PGCKA1: variants seen among roughly 807,000 people sequenced by gnomAD.
The protein encoded by PGCKA1 is PDCD10 and GCKIII kinases associated 1.
At chr4:37,583,171 C>G in the PGCKA1 span, among the ~76,000 whole-genome samples, 1 of 152,192 alleles carries the variant, frequency 6.6e-6, no homozygotes, top group Non-Finnish European at 1.5e-5. Context: ...CAAGTGGATT[C>G]CTGTGTCCTT....
At chr4:37,531,845 T>G in the PGCKA1 span, among the ~76,000 whole-genome samples, 1 of 127,928 alleles carries the variant, frequency 7.8e-6, no homozygotes, top group Non-Finnish European at 1.5e-5. Flanking sequence ...TGAGCCAAGA[T>G]AGCGCCACTG....
At chr4:37,461,480 C>T in the PGCKA1 span, among the ~76,000 whole-genome samples, 2 of 151,874 alleles carry the variant, frequency 1.3e-5, no homozygotes, top group African/African-American at 4.9e-5. Flanking sequence ...TGTTTGTGTC[C>T]TCTCTTATTT....
At chr4:37,482,406 C>T in the PGCKA1 span, among the ~76,000 whole-genome samples, 1 of 152,180 alleles carries the variant, frequency 6.6e-6, no homozygotes, top group Non-Finnish European at 1.5e-5. Context: ...GTCACTCTTG[C>T]TATGCAAAGA....
chr4:37,548,355 A>G, the PGCKA1 span, among the ~76,000 whole-genome samples: 2 of 152,184 alleles, frequency 1.3e-5, no homozygotes, highest in Non-Finnish European at 2.9e-5. Flanking sequence ...GGTTAAAAAA[A>G]AGTTATTGTT....
At chr4:37,454,690 T>C in the PGCKA1 span, among the ~76,000 whole-genome samples, 5 of 152,210 alleles carry the variant, frequency 3.3e-5, no homozygotes, top group South Asian at 1.0e-3. Context: ...GGCAAGCATC[T>C]CCCAGCTTGG....
At chr4:37,541,420 T>A in the PGCKA1 span, among the ~76,000 whole-genome samples, 1 of 152,162 alleles carries the variant, frequency 6.6e-6, no homozygotes, top group South Asian at 2.1e-4. Flanking sequence ...CTATTAGAGG[T>A]ACTTAAGTCT....
At chr4:37,501,733 C>G in the PGCKA1 span, among the ~76,000 whole-genome samples, 17 of 152,222 alleles carry the variant, frequency 1.1e-4, no homozygotes, top group Non-Finnish European at 2.2e-4. Flanking sequence ...TCATTCCTAT[C>G]CATATCCTGA....
chr4:37,518,253 A>G, the PGCKA1 span, among the ~76,000 whole-genome samples: 1 of 152,168 alleles, frequency 6.6e-6, no homozygotes, highest in Admixed American at 6.5e-5. Flanking sequence ...ATATCTCTTT[A>G]TATACTGATT....
At chr4:37,575,981 C>CTT in the PGCKA1 span, among the ~76,000 whole-genome samples, 1 of 152,112 alleles carries the variant, frequency 6.6e-6, no homozygotes, top group East Asian at 1.9e-4. Flanking sequence ...CAAAACCATG[C>CTT]TGTACCGATT....
the PGCKA1 span, among the ~76,000 whole-genome samples, chr4:37,530,967 A>G: frequency 5.9e-5 from 9 of 152,220 alleles, no homozygotes; most frequent in African/African-American, 1.9e-4. Flanking sequence ...CCTGGGCGAC[A>G]GAACGAGACT....
At chr4:37,543,478 A>G in the PGCKA1 span, among the ~76,000 whole-genome samples, 1 of 152,110 alleles carries the variant, frequency 6.6e-6, no homozygotes, top group Non-Finnish European at 1.5e-5. Flanking sequence ...TCAACCTCAA[A>G]TTATTTCCAT....
At chr4:37,590,233 G>A in the PGCKA1 span, 2 of 1,614,212 alleles carry the variant, frequency 1.2e-6, no homozygotes, top group Non-Finnish European at 1.7e-6. Context: ...TCAGAGGCAG[G>A]GCTCAAAGAA....
At chr4:37,493,979 TG>T in the PGCKA1 span, among the ~76,000 whole-genome samples, 1 of 152,334 alleles carries the variant, frequency 6.6e-6, no homozygotes, top group East Asian at 1.9e-4. Context: ...CATCTGTTGA[TG>T]GAAACTTAGG....
chr4:37,571,568 C>T, the PGCKA1 span, among the ~76,000 whole-genome samples: 50 of 151,786 alleles, frequency 3.3e-4, no homozygotes, highest in Admixed American at 6.6e-4. Context: ...GACAGAGTCT[C>T]GCTCTGTCGC....
chr4:37,458,176 A>G, the PGCKA1 span, among the ~76,000 whole-genome samples: 6 of 152,176 alleles, frequency 3.9e-5, no homozygotes, highest in Non-Finnish European at 7.3e-5. Flanking sequence ...CCAAAGTCAT[A>G]CAGCTGCCCA....
chr4:37,576,229 T>C, the PGCKA1 span, among the ~76,000 whole-genome samples: 4 of 152,160 alleles, frequency 2.6e-5, no homozygotes, highest in Non-Finnish European at 5.9e-5. Flanking sequence ...ATGAAATATC[T>C]TTCTAATTTT....
At chr4:37,487,027 A>G in the PGCKA1 span, among the ~76,000 whole-genome samples, 1 of 152,166 alleles carries the variant, frequency 6.6e-6, no homozygotes. Context: ...TGATCCAGAA[A>G]TGGTGATGTC....
the PGCKA1 span, chr4:37,591,629 T>A: frequency 6.6e-6 from 1 of 152,332 alleles, no homozygotes; most frequent in East Asian, 1.9e-4. Flanking sequence ...AGATGTTGAT[T>A]TTAAAACACC....
chr4:37,497,336 T>C, the PGCKA1 span, among the ~76,000 whole-genome samples: 13 of 152,230 alleles, frequency 8.5e-5, no homozygotes, highest in African/African-American at 3.1e-4. Flanking sequence ...ACTCGTTGAT[T>C]GATGGGCATT....
Sources: gnomAD v4.1 joint callset for allele counts (sites outside exome capture counted in the v4.1 genomes callset) on GRCh38, gnomAD v4.1.1 for gene constraint, MANE v1.5 for transcripts, NCBI Gene and HGNC (gene_info 2026-07-23, HGNC 2026-07-21) for gene names.